The following MED15 variants were observed in gnomAD, a reference collection of about 807,000 sequenced individuals.
The protein encoded by MED15 is mediator complex subunit 15, also known as mediator of RNA polymerase II transcription subunit 15.
A neutral mutation model predicts 118.7 loss-of-function variants in MED15; 41 were observed. The observed-to-expected ratio is 0.35, with a 90% confidence interval of 0.27 to 0.45. The LOEUF (loss-of-function observed/expected upper bound fraction) is 0.45. MED15 is among the 20% of genes least tolerant of loss of function. MED15 has a pLI of 1.00. For missense variants in MED15, 740 were observed against 1,025.5 expected (o/e 0.72, Z 3.80); for synonymous variants, 436 against 413.9 (o/e 1.05, Z -0.65).
At chr22:20,558,575 C>T (rs920771040) in intron 5 of MED15, among the ~76,000 whole-genome samples, 5 of 152,152 alleles carry the variant, frequency 3.3e-5, no homozygotes, top group Admixed American at 3.3e-4. Flanking sequence ...GTGTGATGGA[C>T]TGGGGTGCTG....
intron 2 of MED15, among the ~76,000 whole-genome samples, chr22:20,541,903 C>T (rs909520397): frequency 6.6e-6 from 1 of 152,186 alleles, no homozygotes; most frequent in Non-Finnish European, 1.5e-5. Context: ...CCACCTAGGC[C>T]TCCCAAAGTG....
intron 2 of MED15, among the ~76,000 whole-genome samples, chr22:20,540,129 C>T (rs1020999079): frequency 4.0e-5 from 6 of 151,766 alleles, no homozygotes; most frequent in Non-Finnish European, 8.8e-5. Flanking sequence ...GTAATCATCC[C>T]GGAGAGCAGG....
At chr22:20,533,502 T>C (rs2146426839) in intron 1 of MED15, among the ~76,000 whole-genome samples, 1 of 152,246 alleles carries the variant, frequency 6.6e-6, no homozygotes, top group South Asian at 2.1e-4. Flanking sequence ...CCTCCCTGGG[T>C]GGATGCTGTG....
intron 1 of MED15, among the ~76,000 whole-genome samples, chr22:20,527,649 C>T (rs1306900693): frequency 1.3e-5 from 2 of 151,896 alleles, no homozygotes; most frequent in African/African-American, 4.8e-5. Context: ...GTGATGTTGC[C>T]CAGGCTGGTC....
intron 2 of MED15, among the ~76,000 whole-genome samples, chr22:20,540,195 T>C (rs1050211298): frequency 5.3e-5 from 8 of 152,080 alleles, no homozygotes; most frequent in Non-Finnish European, 1.2e-4. Flanking sequence ...TAGAAATTGC[T>C]CCTGGAGGAC....
intron 1 of MED15, among the ~76,000 whole-genome samples, chr22:20,512,677 C>T (rs567798785): frequency 2.7e-5 from 4 of 149,794 alleles, no homozygotes; most frequent in Non-Finnish European, 4.4e-5. Context: ...CTGCAAGCTC[C>T]GCCTCCCAGG....
At chr22:20,520,715 T>C (rs2054416157) in intron 1 of MED15, among the ~76,000 whole-genome samples, 1 of 152,236 alleles carries the variant, frequency 6.6e-6, no homozygotes, top group Non-Finnish European at 1.5e-5. Flanking sequence ...CCGAGACATT[T>C]GGAATCTCTG....
intron 7 of MED15, among the ~76,000 whole-genome samples, chr22:20,568,271 C>T (rs1222239325): frequency 1.3e-3 from 1 of 742 alleles, no homozygotes; most frequent in African/African-American, 0.011. Context: ...GTCGTCAGTG[C>T]TTGTGATAGC....
At chr22:20,556,624 A>T (rs530188988) in intron 5 of MED15, among the ~76,000 whole-genome samples, 35 of 152,092 alleles carry the variant, frequency 2.3e-4, no homozygotes, top group Non-Finnish European at 3.1e-4. Flanking sequence ...TTTTACACTC[A>T]TTCTTGGGCT....
chr22:20,517,935 A>G (rs1306314501), intron 1 of MED15, among the ~76,000 whole-genome samples: 3 of 152,154 alleles, frequency 2.0e-5, no homozygotes, highest in Non-Finnish European at 4.4e-5. Flanking sequence ...CGCAATCAGG[A>G]AAGTATTCAA....
chr22:20,541,533 G>C (rs907063710), intron 2 of MED15, among the ~76,000 whole-genome samples: 1 of 152,144 alleles, frequency 6.6e-6, no homozygotes, highest in Non-Finnish European at 1.5e-5. Context: ...GCCCAGGCTA[G>C]AGTGCAGTGG....
chr22:20,577,978 G>A (rs1304386992), intron 9 of MED15, among the ~76,000 whole-genome samples: 3 of 152,026 alleles, frequency 2.0e-5, no homozygotes, highest in Non-Finnish European at 4.4e-5. Flanking sequence ...AGGCAGGAGT[G>A]CAATGGCGCA....
At position 20,516,130 on chromosome 22, in the gene MED15, A is replaced by G. The variant is rs538006725; in HGVS notation, c.68+8384A>G. Among the ~76,000 whole-genome samples the G allele has an allele frequency of 4.6e-5, 7 of 152,094 alleles. 1 individual carries two copies. In the East Asian group the frequency reaches 9.7e-4, roughly 21 times the overall value. ...TCAGGAGTTCTAGACCAGCCTCAAC[A>G]TGGAGAAACCCTGTCTCTACTAAAA... On this transcript the variant is annotated intron_variant, in intron 1 of 17. Transcript: ENST00000263205.
chr22:20,585,913 C>T (rs545396146), intron 17 of MED15, 87 bp downstream of exon 17: 1 of 1,264,074 alleles, frequency 7.9e-7, no homozygotes, highest in Non-Finnish European at 1.1e-6. Flanking sequence ...GCAGGGACAG[C>T]CTCTGTGTGC....
intron 14 of MED15, 158 bp downstream of exon 14, chr22:20,584,583 G>C: frequency 2.1e-6 from 2 of 946,212 alleles, no homozygotes; most frequent in Non-Finnish European, 3.2e-6. Flanking sequence ...CTGCTGTGCT[G>C]GGTGGGAACA....
At chr22:20,557,457 C>T (rs1483430680) in intron 5 of MED15, among the ~76,000 whole-genome samples, 1 of 152,182 alleles carries the variant, frequency 6.6e-6, no homozygotes, top group Non-Finnish European at 1.5e-5. Flanking sequence ...CCCAAGCTCT[C>T]ATTACCTCAC....
chr22:20,549,564 T>A (rs901293858), intron 2 of MED15, among the ~76,000 whole-genome samples: 1 of 152,016 alleles, frequency 6.6e-6, no homozygotes, highest in Admixed American at 6.6e-5. Flanking sequence ...GGAAAGGAGT[T>A]GTTGTGGTTG....
At chr22:20,585,073 A>G (rs778785678) in intron 15 of MED15, 28 bp from the exon 16 acceptor site, 18 of 1,613,364 alleles carry the variant, frequency 1.1e-5, no homozygotes, top group Admixed American at 5.0e-5. Flanking sequence ...CGCGTGTGCC[A>G]GGTGTGGTCA....
At chr22:20,527,736 G>T (rs2054701326) in intron 1 of MED15, among the ~76,000 whole-genome samples, 1 of 152,044 alleles carries the variant, frequency 6.6e-6, no homozygotes, top group Non-Finnish European at 1.5e-5. Flanking sequence ...AGGGCAGGCG[G>T]ATCACAAGGT....
Sources: gnomAD v4.1 joint callset for allele counts (sites outside exome capture counted in the v4.1 genomes callset) on GRCh38, gnomAD v4.1.1 for gene constraint, MANE v1.5 for transcripts, NCBI Gene and HGNC (gene_info 2026-07-23, HGNC 2026-07-21) for gene names.